The following PYGB variants were observed in gnomAD, a reference collection of about 807,000 sequenced individuals.
PYGB encodes glycogen phosphorylase B.
PYGB carries 82 observed loss-of-function variants against 94.3 expected under a neutral mutation model. That is an observed-to-expected ratio of 0.87 (90% CI 0.73 to 1.04). PYGB has a LOEUF of 1.04. Ranked by LOEUF, PYGB falls within the 50% of genes least tolerant of loss-of-function variation. The pLI, the probability that PYGB is intolerant of heterozygous loss-of-function variation, is 0.00. For missense variants in PYGB, 1,132 were observed against 1,158.2 expected (o/e 0.98, Z 0.33); for synonymous variants, 488 against 479.1 (o/e 1.02, Z -0.24).
intron 18 of PYGB, chr20:25,294,995 C>G: frequency 1.9e-6 from 3 of 1,614,210 alleles, no homozygotes; most frequent in Non-Finnish European, 2.5e-6. Flanking sequence ...TGACCACATG[C>G]TGGGATCTGG....
At chr20:25,287,841 C>T (rs528069584) in intron 14 of PYGB, among the ~76,000 whole-genome samples, 13 of 152,096 alleles carry the variant, frequency 8.5e-5, no homozygotes, top group South Asian at 4.2e-4. Context: ...ATTAGCTGGG[C>T]GCAGTGGCAC....
chr20:25,248,220 C>G lies in PYGB; in HGVS notation c.42C>G (p.Ile14Met). 6.3e-7 allele frequency: 1 copy of G among 1,595,838 alleles called. No individual in the cohort carries two copies. The highest frequency in any genetic ancestry group is 8.5e-7 in the Non-Finnish European group (1 of 1,171,886). The change falls in exon 1 of 20, where the codon ATC becomes ATG. Residue 14 changes from isoleucine to methionine, a missense_variant. By Grantham distance (10) the Ile-to-Met change is conservative (BLOSUM62 1). Coordinates refer to ENST00000216962, the MANE Select transcript of PYGB (RefSeq NM_002862.4). ...CGGACAGCGAGAAGCGGAAGCAGAT[C>G]AGCGTGCGCGGCCTGGCGGGGCTAG... Reference protein sequence around the residue: ...PLTDSEKRKQISVRGLAGLGD... With the variant: ...PLTDSEKRKQMSVRGLAGLGD...
chr20:25,276,876 T>C, intron 6 of PYGB, 119 bp downstream of exon 6: 3 of 880,740 alleles, frequency 3.4e-6, no homozygotes, highest in Non-Finnish European at 5.3e-6. Flanking sequence ...GCGGCCCTCC[T>C]CTAGGGTGTC....
chr20:25,283,338 C>T (rs1284043680), intron 13 of PYGB, 61 bp downstream of exon 13: 1 of 1,459,532 alleles, frequency 6.9e-7, no homozygotes, highest in Non-Finnish European at 9.5e-7. Context: ...CAGGTAGGCC[C>T]TGGCCCTAGC....
Position 25,280,392 on chromosome 20 carries a change from A to C in PYGB, c.1219A>C (p.Ile407Leu). Residue 407 changes from isoleucine to leucine, a missense_variant, in exon 10 of 20, where the codon ATC becomes CTC. By Grantham distance (5) the Ile-to-Leu change is conservative (BLOSUM62 2). Transcript: ENST00000216962. ...LPRHLEIIYA[I>L]NQRHLDHVAA... is the part of the protein sequence containing the mutation. ...GCGGCACCTGGAGATAATCTATGCC[A>C]TCAACCAGCGGCACCTGGACGTGAG... The C allele has an allele frequency of 6.2e-7, 1 of 1,614,134 alleles. No homozygotes were observed. Among genetic ancestry groups the C allele is most frequent in the South Asian group, 1.1e-5 (1 of 91,088 alleles).
chr20:25,278,257 G>C, intron 7 of PYGB, 62 bp from the exon 8 acceptor site: 1 of 1,576,668 alleles, frequency 6.3e-7, no homozygotes, highest in Non-Finnish European at 8.6e-7. Context: ...TCGCTGACCT[G>C]GGCTTCCTGG....
rs200446581 is a variant in PYGB at position 25,295,066 on chromosome 20, C to T, written c.2313-538C>T. The stretch of plus-strand genomic sequence containing the variant: ...GGAAGTGCTTTTAAAATTGTGAACT[C>T]TGCATTTCGTGAAGTGTGCTTCTGA... On this transcript the variant is annotated intron_variant, in intron 18 of 19. Transcript: ENST00000216962. The T allele has an allele frequency of 9.4e-5, 150 of 1,603,916 alleles. No individual in the cohort carries two copies. The Middle Eastern group carries it at 2.8e-3, about 30-fold the overall frequency.
intron 1 of PYGB, 49 bp downstream of exon 1, chr20:25,248,470 G>C (rs1397209683): frequency 2.3e-6 from 3 of 1,311,354 alleles, no homozygotes; most frequent in South Asian, 2.1e-5. Context: ...AGAGGGCGCC[G>C]GTCCCGGAGC....
intron 16 of PYGB, among the ~76,000 whole-genome samples, chr20:25,292,096 C>G (rs993305318): frequency 2.6e-5 from 4 of 152,166 alleles, no homozygotes; most frequent in Non-Finnish European, 2.9e-5. Flanking sequence ...GGACTGGCTC[C>G]TTGGCTAGGC....
At chr20:25,252,499 T>C (rs2092890872) in intron 1 of PYGB, among the ~76,000 whole-genome samples, 1 of 152,240 alleles carries the variant, frequency 6.6e-6, no homozygotes, top group Non-Finnish European at 1.5e-5. Flanking sequence ...CCACCCCAGA[T>C]GTCAGTTGCA....
At chr20:25,275,362 C>T (rs1568690777) in intron 5 of PYGB, among the ~76,000 whole-genome samples, 1 of 152,196 alleles carries the variant, frequency 6.6e-6, no homozygotes, top group South Asian at 2.1e-4. Flanking sequence ...GTCCAGGCTC[C>T]GGGCAGCTGT....
intron 2 of PYGB, among the ~76,000 whole-genome samples, chr20:25,266,501 A>C (rs146270099): frequency 1.3e-5 from 2 of 152,162 alleles, no homozygotes; most frequent in African/African-American, 4.8e-5. Context: ...GATTTCTTAG[A>C]TATGACACCA....
chr20:25,248,563 G>A lies in PYGB; in HGVS notation c.243+142G>A, dbSNP rs1246467506. On this transcript the variant is annotated intron_variant, in intron 1 of 19. Coordinates refer to ENST00000216962, the MANE Select transcript of PYGB (RefSeq NM_002862.4). ...GGCCGGCGGCCAGGCACAGCCGACT[G>A]GGGAGTCGCCTGGAAGCCGCAGTCG... 4 of 1,128,020 alleles carry A rather than the reference G, an allele frequency of 3.5e-6. No individual in the cohort carries two copies. In the African/African-American group the frequency reaches 4.9e-5, roughly 14 times the overall value. 69.9% of individuals were successfully genotyped at this position (1,128,020 alleles called of 1,614,324 possible). A position where few individuals can be genotyped will look rare whatever the true frequency, so the allele number is the denominator to read the frequency against.
chr20:25,269,161 A>T lies in PYGB; in HGVS notation c.378A>T (p.Ile126=). The T allele has an allele frequency of 6.2e-7, 1 of 1,600,522 alleles. No homozygotes were observed. ...TAGACTTGGAGGAACTCGAGGAGAT[A>T]GAAGAAGATGCTGGCCTTGGGAATG... ...LGLDLEELEE[I]EEDAGLGNGG... The change falls in exon 3 of 20, where the codon ATA becomes ATT. Residue 126 remains isoleucine (I), a synonymous_variant. Coordinates refer to ENST00000216962, the MANE Select transcript of PYGB (RefSeq NM_002862.4).
At chr20:25,260,977 C>T (rs984347644) in intron 2 of PYGB, among the ~76,000 whole-genome samples, 4 of 152,310 alleles carry the variant, frequency 2.6e-5, no homozygotes, top group African/African-American at 4.8e-5. Context: ...ACAGAGCAGC[C>T]GGGAAGCTTG....
At position 25,248,369 on chromosome 20, in the gene PYGB, T is replaced by C; in HGVS notation, c.191T>C (p.Leu64Pro). Residue 64 changes from leucine to proline, a missense_variant, in exon 1 of 20, where the codon CTC becomes CCC. Coordinates refer to ENST00000216962, the MANE Select transcript of PYGB (RefSeq NM_002862.4). Reference sequence around the variant, plus strand: ...CTGGCGCACACGGTGCGCGACCACCTCGTGGGCCGCTGGATCCGCACGCAG... The same window carrying C: ...CTGGCGCACACGGTGCGCGACCACCCCGTGGGCCGCTGGATCCGCACGCAG... ...FALAHTVRDH[L>P]VGRWIRTQQH... is the part of the protein sequence containing the mutation. The C allele has an allele frequency of 6.3e-7, 1 of 1,594,896 alleles. No individual in the cohort carries two copies. The highest frequency in any genetic ancestry group is 1.4e-5 in the African/African-American group (1 of 73,310).
rs1239395591 is a variant in PYGB at position 25,259,188 on chromosome 20, A to G, written c.244-49A>G. On this transcript the variant is annotated intron_variant, in intron 1 of 19. Transcript: ENST00000216962. Reference sequence around the variant, plus strand: ...GTCGTGTCATCTCTGTAACCTTCCTAAAGTGTAGAATGGAATGAGAAATCT... The same window carrying G: ...GTCGTGTCATCTCTGTAACCTTCCTGAAGTGTAGAATGGAATGAGAAATCT... 3.4e-6 allele frequency: 5 copies of G among 1,479,448 alleles called. No homozygotes were observed. In the South Asian group the frequency reaches 3.4e-5, roughly 10 times the overall value. The allele number at this position is 1,479,448 out of a possible 1,614,324, so 91.6% of individuals were successfully genotyped here. A position where few individuals can be genotyped will look rare whatever the true frequency, so the allele number is the denominator to read the frequency against.
intron 9 of PYGB, among the ~76,000 whole-genome samples, chr20:25,279,779 G>A (rs892290473): frequency 2.0e-5 from 3 of 152,150 alleles, no homozygotes; most frequent in African/African-American, 4.8e-5. Context: ...ACTCCGTTTT[G>A]TAGAAACCCA....
intron 2 of PYGB, among the ~76,000 whole-genome samples, chr20:25,263,068 G>T (rs999334138): frequency 6.6e-6 from 1 of 152,064 alleles, no homozygotes; most frequent in Non-Finnish European, 1.5e-5. Context: ...GAGACAGAAA[G>T]TTAACAAGGA....
Sources: allele counts gnomAD v4.1 joint callset (sites outside exome capture counted in the v4.1 genomes callset), GRCh38; gene constraint gnomAD v4.1.1; transcripts MANE v1.5; gene names NCBI Gene and HGNC (gene_info 2026-07-23, HGNC 2026-07-21).